GUCY2F: variants seen among roughly 807,000 people sequenced by gnomAD.
GUCY2F encodes the protein guanylate cyclase 2F, retinal.
Under a neutral mutation model 73.1 loss-of-function variants are expected in GUCY2F, and 61 were observed. The observed-to-expected ratio is 0.83, with a 90% confidence interval of 0.68 to 1.03. GUCY2F has a LOEUF of 1.03. Among genes scored for constraint, GUCY2F ranks in the 50% least tolerant of loss-of-function variants. The pLI, the probability that GUCY2F is intolerant of heterozygous loss-of-function variation, is 0.00. For missense variants in GUCY2F, 912 were observed against 854.3 expected, an observed-to-expected ratio of 1.07 and a Z score of -0.84; for synonymous variants, 331 against 307.8, an observed-to-expected ratio of 1.08 and a Z score of -0.79.
chrX:109,420,283 AAGAG>A (rs1365235113), intron 8 of GUCY2F, among the ~76,000 whole-genome samples: 1 of 100,443 alleles, frequency 1.0e-5, no homozygotes. Context: ...GGGAGGGGGA[AAGAG>A]AGAGAGAGAG....
At chrX:109,435,834 T>G (rs1931732042) in intron 7 of GUCY2F, among the ~76,000 whole-genome samples, 1 of 111,778 alleles carries the variant, frequency 8.9e-6, no homozygotes, top group East Asian at 2.8e-4. Context: ...GTTTTTAGCA[T>G]GAAGGGTTGT....
At chrX:109,473,551 G>A (rs769534556) in intron 2 of GUCY2F, among the ~76,000 whole-genome samples, 1 of 111,552 alleles carries the variant, frequency 9.0e-6, no homozygotes. Context: ...TTGAAAAGAT[G>A]TCCAGGTAAT....
intron 1 of GUCY2F, among the ~76,000 whole-genome samples, chrX:109,481,588 G>A (rs1485750957): frequency 3.6e-5 from 4 of 111,513 alleles, no homozygotes; most frequent in African/African-American, 1.3e-4. Flanking sequence ...TTAACAGCTT[G>A]TATAAGACAA....
intron 8 of GUCY2F, among the ~76,000 whole-genome samples, chrX:109,413,988 G>C (rs1931177126): frequency 9.3e-6 from 1 of 108,088 alleles, no homozygotes; most frequent in Non-Finnish European, 1.9e-5. Flanking sequence ...CTCTCGCTCT[G>C]TCGCCTAGGC....
rs775471799 is a variant in GUCY2F at position 109,398,611 on chromosome X, A to G, written c.2213T>C (p.Ile738Thr). The change falls in exon 11 of 20, where the codon ATC (isoleucine) becomes ACC (threonine). Residue 738 changes from isoleucine (I) to threonine (T), a missense_variant. Coordinates refer to ENST00000218006, the MANE Select transcript of GUCY2F (RefSeq NM_001522.3). Reference protein sequence around the residue: ...SFAGDVYSFAIIMQEVMVRGT... With the variant: ...SFAGDVYSFATIMQEVMVRGT... ...CCGGACCATCACTTCTTGCATGATGATGGCAAAGCTATAGACATCTCCTGC... is the reference window on the plus strand; with the variant it reads ...CCGGACCATCACTTCTTGCATGATGGTGGCAAAGCTATAGACATCTCCTGC... 1 of 1,207,715 alleles carries G rather than the reference A, an allele frequency of 8.3e-7. No individual in the cohort carries two copies. Among genetic ancestry groups the G allele is most frequent in the African/African-American group, 1.7e-5 (1 of 57,654 alleles).
intron 8 of GUCY2F, among the ~76,000 whole-genome samples, chrX:109,425,045 G>T (rs1044603074): frequency 2.7e-5 from 3 of 111,522 alleles, no homozygotes; most frequent in South Asian, 3.8e-4. Flanking sequence ...GGGATTACAG[G>T]CATGAGCCAC....
Position 109,408,998 on chromosome X carries a change from G to A in GUCY2F, c.1962C>T (p.Leu654=). The stretch of plus-strand genomic sequence containing the variant: ...CCTCAGTCTTCCCATTAACCTTTAT[G>A]AGATCCAGCAAGAGTGATGATTTAA... ...WMFKSSLLLD[L]IKGMKYLHHR... Residue 654 remains leucine, a synonymous_variant, in exon 9 of 20, where the codon CTC becomes CTT. Transcript: ENST00000218006. 9.1e-7 allele frequency: 1 copy of A among 1,097,725 alleles called. No individual in the cohort carries two copies. The highest frequency in any genetic ancestry group is 1.3e-6 in the Non-Finnish European group (1 of 793,682). The allele number at this position is 1,097,725 out of a possible 1,213,427, so 90.5% of individuals were successfully genotyped here.
intron 13 of GUCY2F, among the ~76,000 whole-genome samples, chrX:109,392,356 G>A (rs1930587571): frequency 8.9e-6 from 1 of 111,886 alleles, no homozygotes; most frequent in African/African-American, 3.2e-5. Flanking sequence ...CCTTCATGTG[G>A]AGGGTTTTCA....
chrX:109,425,502 A>G (rs1448935629), intron 8 of GUCY2F, among the ~76,000 whole-genome samples: 2 of 110,111 alleles, frequency 1.8e-5, no homozygotes, highest in Non-Finnish European at 3.8e-5. Context: ...CATTTACAGC[A>G]ACCTGGATGG....
At chrX:109,409,587 T>C (rs1433900507) in intron 8 of GUCY2F, among the ~76,000 whole-genome samples, 1 of 110,968 alleles carries the variant, frequency 9.0e-6, no homozygotes, top group Non-Finnish European at 1.9e-5. Flanking sequence ...ATTAATATAG[T>C]TTTGCTGTGT....
At chrX:109,458,308 C>A (rs1453006147) in intron 3 of GUCY2F, among the ~76,000 whole-genome samples, 1 of 111,841 alleles carries the variant, frequency 8.9e-6, no homozygotes, top group Non-Finnish European at 1.9e-5. Flanking sequence ...GTTGGAATCC[C>A]AGCTCTGCCA....
intron 10 of GUCY2F, among the ~76,000 whole-genome samples, chrX:109,403,838 C>T (rs776274711): frequency 1.6e-4 from 18 of 112,122 alleles, no homozygotes; most frequent in Non-Finnish European, 3.4e-4. Flanking sequence ...GCTAGAAGGC[C>T]ACAGTTCTGC....
intron 8 of GUCY2F, among the ~76,000 whole-genome samples, chrX:109,425,331 A>G (rs1050567362): frequency 2.5e-4 from 26 of 103,478 alleles, no homozygotes; most frequent in African/African-American, 8.9e-4. Flanking sequence ...GGATAAAGAA[A>G]TTGTTGTGTG....
At chrX:109,382,234 G>A in intron 16 of GUCY2F, 22 bp from the exon 17 acceptor site, 1 of 955,453 alleles carries the variant, frequency 1.0e-6, no homozygotes, top group South Asian at 2.0e-5. Flanking sequence ...GGAGAGACAT[G>A]ATTTGGGCTC....
intron 15 of GUCY2F, among the ~76,000 whole-genome samples, chrX:109,387,632 A>G (rs1471097088): frequency 3.6e-5 from 4 of 112,009 alleles, no homozygotes; most frequent in Non-Finnish European, 7.5e-5. Flanking sequence ...GAAGACCAAT[A>G]TAAGGGACAA....
intron 6 of GUCY2F, among the ~76,000 whole-genome samples, chrX:109,443,501 A>G (rs1005530262): frequency 4.0e-4 from 44 of 111,177 alleles, no homozygotes; most frequent in African/African-American, 1.3e-3. Flanking sequence ...GGTGAGCAAG[A>G]TTTTAAAGCC....
At chrX:109,416,669 T>C (rs1049574974) in intron 8 of GUCY2F, among the ~76,000 whole-genome samples, 4 of 110,822 alleles carry the variant, frequency 3.6e-5, no homozygotes, top group South Asian at 3.7e-4. Flanking sequence ...AAGGAGCTCA[T>C]TGAACTTCAA....
intron 2 of GUCY2F, among the ~76,000 whole-genome samples, chrX:109,469,222 T>C (rs2300115): frequency 0.026 from 2,958 of 111,629 alleles, 84 homozygotes; most frequent in African/African-American, 0.083. Flanking sequence ...GCAGGCTGTC[T>C]AGGACCCTTT....
In GUCY2F at chrX:109,388,485, T is replaced by C; in HGVS notation, c.2956+4A>G. 8.4e-7 allele frequency: 1 copy of C among 1,190,281 alleles called. No individual in the cohort carries two copies. On this transcript the variant is annotated splice_donor_region_variant and intron_variant, in intron 15 of 19. Transcript: ENST00000218006. The stretch of plus-strand genomic sequence containing the variant: ...TGTTTCCTCTTACTTTAACTGGTTA[T>C]TACCTGAGTGAAGGCCAATTCGAAT...
Sources: allele counts gnomAD v4.1 joint callset (sites outside exome capture counted in the v4.1 genomes callset), GRCh38; gene constraint gnomAD v4.1.1; transcripts MANE v1.5; gene names NCBI Gene and HGNC (gene_info 2026-07-23, HGNC 2026-07-21).